RALYL: variants seen among roughly 807,000 people sequenced by gnomAD.
The protein encoded by RALYL is RNA-binding Raly-like protein.
Under a neutral mutation model 35.1 loss-of-function variants are expected in RALYL, and 29 were observed. The observed-to-expected ratio is 0.83, with a 90% confidence interval of 0.61 to 1.13. The LOEUF is 1.13. Among genes scored for constraint, RALYL ranks in the 50% most tolerant of loss-of-function variants. The pLI is 0.00. For missense variants in RALYL, 359 were observed against 360.4 expected (o/e 1.00, Z 0.03); for synonymous variants, 120 against 127.6 (o/e 0.94, Z 0.40).
intron 1 of RALYL, among the ~76,000 whole-genome samples, chr8:84,405,953 C>A (rs2043441195): frequency 1.4e-5 from 2 of 146,272 alleles, no homozygotes; most frequent in African/African-American, 5.1e-5. Flanking sequence ...CCAATATTTT[C>A]ATTCTTAATG....
chr8:84,741,593 G>A (rs549108390), intron 2 of RALYL, among the ~76,000 whole-genome samples: 35 of 151,930 alleles, frequency 2.3e-4, no homozygotes, highest in South Asian at 4.1e-4. Context: ...CATTAATCCC[G>A]TTTGTAATGA....
intron 2 of RALYL, among the ~76,000 whole-genome samples, chr8:84,551,883 T>C (rs1333240092): frequency 3.3e-5 from 5 of 152,174 alleles, no homozygotes; most frequent in Non-Finnish European, 5.9e-5. Flanking sequence ...ATTTAATCTT[T>C]CATTTATCCT....
chr8:84,490,078 CATGTGTGTGTGTGTGT>C (rs2055101017), intron 1 of RALYL, among the ~76,000 whole-genome samples: 4 of 91,846 alleles, frequency 4.4e-5, no homozygotes, highest in African/African-American at 6.9e-5. Flanking sequence ...TGCTTGCGTG[CATGTGTGTGTGTGTGT>C]GTGTGTGTGT....
At chr8:84,583,974 G>A (rs1811413789) in intron 2 of RALYL, among the ~76,000 whole-genome samples, 3 of 152,078 alleles carry the variant, frequency 2.0e-5, no homozygotes, top group African/African-American at 7.2e-5. Flanking sequence ...TTTAATTTCT[G>A]TGGGTACATA....
intron 2 of RALYL, chr8:84,678,992 TA>T: frequency 3.2e-6 from 1 of 307,810 alleles, no homozygotes. Context: ...TCAGTAGTGT[TA>T]AAGAGTCTGA....
chr8:84,298,675 T>G (rs1586057280), intron 1 of RALYL, among the ~76,000 whole-genome samples: 1 of 152,272 alleles, frequency 6.6e-6, no homozygotes, highest in Admixed American at 6.5e-5. Flanking sequence ...GTATTGATTC[T>G]TTCTGTTCAT....
chr8:84,367,318 ATTTTTTTTTTTTTTTTTTTTTTTTT>A (rs56387511), intron 1 of RALYL, among the ~76,000 whole-genome samples: 67 of 27,406 alleles, frequency 2.4e-3, no homozygotes, highest in South Asian at 0.01. Context: ...TAATTTTTGT[ATTTTTTTTTTTTTTTTTTTTTTTTT>A]TTTTTTTTTT....
chr8:84,263,616 T>G (rs535016563), intron 1 of RALYL, among the ~76,000 whole-genome samples: 1 of 152,342 alleles, frequency 6.6e-6, no homozygotes, highest in South Asian at 2.1e-4. Context: ...ATTTTTATTT[T>G]TAGTGCTGGG....
chr8:84,224,124 C>G (rs373480171), intron 1 of RALYL, among the ~76,000 whole-genome samples: 127 of 152,300 alleles, frequency 8.3e-4, no homozygotes, highest in African/African-American at 3.0e-3. Flanking sequence ...TGGCACTGTG[C>G]TTACTGTGAC....
In RALYL at chr8:84,750,486, G is replaced by C. The variant is rs186519936; in HGVS notation, c.257-24093G>C. Among the ~76,000 whole-genome samples the C allele has an allele frequency of 2.2e-3, 331 of 152,192 alleles. 3 individuals carry two copies. The highest frequency in any genetic ancestry group is 7.5e-3 in the African/African-American group (311 of 41,528). On this transcript the variant is annotated intron_variant, in intron 2 of 8. Transcript: ENST00000521268. Reference sequence around the variant, plus strand: ...AATCAGCCATTCCAGAGGGAGTGTTGTCCACCTGCTCTCATGCCCCCTACC... The same window carrying C: ...AATCAGCCATTCCAGAGGGAGTGTTCTCCACCTGCTCTCATGCCCCCTACC...
chr8:84,459,944 T>A (rs988223339), intron 1 of RALYL, among the ~76,000 whole-genome samples: 2 of 151,758 alleles, frequency 1.3e-5, no homozygotes, highest in African/African-American at 2.4e-5. Flanking sequence ...ATTCTTAAAC[T>A]ATAGAAATCT....
chr8:84,560,313 G>A (rs1564146578), intron 2 of RALYL, among the ~76,000 whole-genome samples: 1 of 151,798 alleles, frequency 6.6e-6, no homozygotes, highest in Non-Finnish European at 1.5e-5. Flanking sequence ...CTCAAAAAAG[G>A]GGAAATTATC....
chr8:84,619,893 C>A (rs1161325573), intron 2 of RALYL, among the ~76,000 whole-genome samples: 3 of 150,658 alleles, frequency 2.0e-5, no homozygotes, highest in Non-Finnish European at 3.0e-5. Flanking sequence ...GTTGAAAATT[C>A]TTTTCTTTAA....
At chr8:84,607,451 G>T (rs1023730871) in intron 2 of RALYL, among the ~76,000 whole-genome samples, 1 of 152,052 alleles carries the variant, frequency 6.6e-6, no homozygotes, top group Non-Finnish European at 1.5e-5. Context: ...TAGCAAAATC[G>T]TAATTCAAAA....
chr8:84,896,623 G>C (rs1186321435), intron 8 of RALYL, among the ~76,000 whole-genome samples: 1 of 152,122 alleles, frequency 6.6e-6, no homozygotes, highest in Non-Finnish European at 1.5e-5. Context: ...CACCACATCA[G>C]CTCTGTAGTT....
At chr8:84,423,742 C>T (rs919295427) in intron 1 of RALYL, among the ~76,000 whole-genome samples, 1 of 151,476 alleles carries the variant, frequency 6.6e-6, no homozygotes, top group Non-Finnish European at 1.5e-5. Context: ...TAGGGCAGGC[C>T]TGGTGGTGAC....
At chr8:84,498,108 A>AT (rs1247107051) in intron 1 of RALYL, among the ~76,000 whole-genome samples, 1 of 151,972 alleles carries the variant, frequency 6.6e-6, no homozygotes, top group Non-Finnish European at 1.5e-5. Context: ...AGTTTTTTAA[A>AT]TTCGATTCCT....
intron 1 of RALYL, among the ~76,000 whole-genome samples, chr8:84,222,700 G>A (rs1442023883): frequency 6.6e-6 from 1 of 152,094 alleles, no homozygotes; most frequent in Non-Finnish European, 1.5e-5. Flanking sequence ...TTGGCCAATA[G>A]TAATCTGGTT....
At chr8:84,297,971 C>T (rs974056067) in intron 1 of RALYL, among the ~76,000 whole-genome samples, 1 of 152,178 alleles carries the variant, frequency 6.6e-6, no homozygotes, top group South Asian at 2.1e-4. Flanking sequence ...ATATTTTCTC[C>T]CATTCTGCAG....
Sources: allele counts gnomAD v4.1 joint callset (sites outside exome capture counted in the v4.1 genomes callset), GRCh38; gene constraint gnomAD v4.1.1; transcripts MANE v1.5; gene names NCBI Gene and HGNC (gene_info 2026-07-23, HGNC 2026-07-21).